Variants in PLCD3 observed in about 807,000 individuals in gnomAD.
PLCD3 encodes phospholipase C delta 3, also known as 1-phosphatidylinositol 4,5-bisphosphate phosphodiesterase delta-3.
In PLCD3, 62 loss-of-function variants were observed where a neutral mutation model predicts 82.8. The ratio of observed to expected loss-of-function variants is 0.75; its 90% CI spans 0.61 to 0.93. The LOEUF (loss-of-function observed/expected upper bound fraction) is 0.93, where lower values mean the gene tolerates loss of function less well. Among genes scored for constraint, PLCD3 ranks in the 40% least tolerant of loss-of-function variants. The pLI is 0.00. For synonymous variants in PLCD3, 478 were observed against 471.8 expected, an observed-to-expected ratio of 1.01 and a Z score of -0.17; for missense variants, 1,023 against 1,103.4, an observed-to-expected ratio of 0.93 and a Z score of 1.03.
Position 45,112,565 on chromosome 17 carries a change from AG to A in PLCD3, c.*50del. 1.3e-6 allele frequency: 2 copies of A among 1,509,102 alleles called. No homozygotes were observed. The highest frequency in any genetic ancestry group is 1.8e-6 in the Non-Finnish European group (2 of 1,107,082). The allele number at this position is 1,509,102 out of a possible 1,614,324, so 93.5% of individuals were successfully genotyped here. ...ACTCCAGAGGAGGAGAGGGCTCTGC[AG>A]GGGATGTGGACTGGCACTCGCAGAA... is the stretch of plus-strand genomic sequence containing the variant. On this transcript the variant is annotated 3_prime_UTR_variant, in exon 15 of 15. Transcript: ENST00000619929.
Position 45,112,860 on chromosome 17 carries a change from A to G in PLCD3, c.2281+3T>C. ...CTCTCCATCCCCACCAGCCTCCACC[A>G]ACCTTGCTTTAGGCTGCTAAGAGGC... On this transcript the variant is annotated splice_donor_region_variant and intron_variant, in intron 14 of 14. Coordinates refer to ENST00000619929, the MANE Select transcript of PLCD3 (RefSeq NM_133373.5). 1 of 1,612,246 alleles carries G rather than the reference A, an allele frequency of 6.2e-7. No individual in the cohort carries two copies. The highest frequency in any genetic ancestry group is 1.1e-5 in the South Asian group (1 of 90,636).
intron 1 of PLCD3, among the ~76,000 whole-genome samples, chr17:45,123,955 G>GA (rs2054361062): frequency 1.3e-5 from 1 of 74,568 alleles, no homozygotes; most frequent in East Asian, 3.1e-4. Context: ...GGGCTCACCA[G>GA]ACCCCCCCCC....
intron 1 of PLCD3, among the ~76,000 whole-genome samples, chr17:45,127,019 C>G (rs1391933677): frequency 6.6e-6 from 1 of 152,160 alleles, no homozygotes; most frequent in Admixed American, 6.5e-5. Flanking sequence ...AGGTCGGCAC[C>G]CGGTGGGGCT....
intron 1 of PLCD3, among the ~76,000 whole-genome samples, chr17:45,122,769 C>T (rs1412579038): frequency 6.6e-6 from 1 of 152,168 alleles, no homozygotes; most frequent in African/African-American, 2.4e-5. Flanking sequence ...ACACGTGATG[C>T]CCAGCCCAAA....
At chr17:45,113,691 A>T in intron 11 of PLCD3, 86 bp from the exon 12 acceptor site, 2 of 1,460,682 alleles carry the variant, frequency 1.4e-6, no homozygotes, top group Non-Finnish European at 1.8e-6. Context: ...CCTCTCTACA[A>T]AGGGCCTGGG....
At chr17:45,128,172 C>T (rs1051999829) in intron 1 of PLCD3, among the ~76,000 whole-genome samples, 16 of 152,182 alleles carry the variant, frequency 1.1e-4, no homozygotes, top group African/African-American at 3.1e-4. Context: ...GGCGGGGGCT[C>T]GGTGCCAGAG....
intron 4 of PLCD3, among the ~76,000 whole-genome samples, chr17:45,119,624 A>G (rs770927508): frequency 2.6e-5 from 4 of 152,222 alleles, no homozygotes; most frequent in Non-Finnish European, 5.9e-5. Flanking sequence ...TGGAAGGAAA[A>G]ATGGTGACCC....
intron 1 of PLCD3, among the ~76,000 whole-genome samples, chr17:45,127,817 A>T (rs117962768): frequency 3.3e-5 from 5 of 150,866 alleles, no homozygotes; most frequent in Admixed American, 6.6e-5. Context: ...TGTGCGTGTG[A>T]GTGTGTGTGT....
intron 4 of PLCD3, among the ~76,000 whole-genome samples, chr17:45,119,718 A>G (rs7217321): frequency 0.85 from 129,133 of 152,242 alleles, 54,943 homozygotes; most frequent in East Asian, 0.92. Flanking sequence ...CACACCCAGC[A>G]TCATTGAACA....
intron 1 of PLCD3, among the ~76,000 whole-genome samples, chr17:45,127,513 G>C (rs1252800358): frequency 6.6e-6 from 1 of 152,202 alleles, no homozygotes; most frequent in African/African-American, 2.4e-5. Context: ...GTCAGAGCTG[G>C]AAGGGGCCCC....
intron 4 of PLCD3, 90 bp downstream of exon 4, chr17:45,120,235 G>A: frequency 6.5e-7 from 1 of 1,546,840 alleles, no homozygotes; most frequent in Non-Finnish European, 8.8e-7. Context: ...GGTGGAGAGG[G>A]CAGGGGAGCT....
At position 45,111,373 on chromosome 17, in the gene PLCD3, A is replaced by AGTGTGTGT. The variant is rs34687475; in HGVS notation, c.*1235_*1242dup. On this transcript the variant is annotated 3_prime_UTR_variant, in exon 15 of 15. Transcript: ENST00000619929. ...TTCAAGGCCCCTCTGTGTATGTGTG[A>AGTGTGTGT]GTGTGTGTGTGTGTGTGTGTGTGTG... The AGTGTGTGT allele has an allele frequency of 0.017, 2,509 of 147,150 alleles. 33 individuals are homozygous for AGTGTGTGT. The highest frequency in any genetic ancestry group is 0.025 in the Non-Finnish European group (1,640 of 66,290). The allele number at this position is 147,150 out of a possible 1,614,324, so 9.1% of individuals were successfully genotyped here. A position where few individuals can be genotyped will look rare whatever the true frequency, so the allele number is the denominator to read the frequency against.
At chr17:45,126,422 C>A (rs558257980) in intron 1 of PLCD3, among the ~76,000 whole-genome samples, 31 of 132,478 alleles carry the variant, frequency 2.3e-4, no homozygotes, top group African/African-American at 9.2e-4. Flanking sequence ...GGCACGATCT[C>A]AGCTCACTGC....
chr17:45,112,988 G>T lies in PLCD3; in HGVS notation c.2156C>A (p.Thr719Asn). The change falls in exon 14 of 15, where the codon ACC (threonine) becomes AAC (asparagine). Residue 719 changes from threonine (T) to asparagine (N), a missense_variant. Around this residue, in one of 3 missense-constraint regions of PLCD3, gnomAD observed 553 missense variants for 655.7 expected, o/e 0.84. Coordinates refer to ENST00000619929, the MANE Select transcript of PLCD3 (RefSeq NM_133373.5). ...NNGFNPRWGQ[T>N]LQFQLRAPEL... ...CGGAGCCCGCAGCTGGAACTGCAGG[G>T]TCTGCCCCCAGCGGGGGTTGAAGCC... 6.2e-7 allele frequency: 1 copy of T among 1,609,580 alleles called. No homozygotes were observed. Among genetic ancestry groups the T allele is most frequent in the East Asian group, 2.2e-5 (1 of 44,812 alleles).
chr17:45,117,938 G>A (rs755641848), intron 7 of PLCD3, 56 bp downstream of exon 7: 234 of 1,597,910 alleles, frequency 1.5e-4, no homozygotes, highest in Non-Finnish European at 1.8e-4. Flanking sequence ...ATGTGAGTGC[G>A]GACGGAGGTC....
rs773971567 is a variant in PLCD3 at position 45,110,046 on chromosome 17, C to G, written c.*2570G>C. 1.3e-5 allele frequency: 2 copies of G among 151,894 alleles called. No individual in the cohort carries two copies. The highest frequency in any genetic ancestry group is 2.9e-5 in the Non-Finnish European group (2 of 68,072). The allele number at this position is 151,894 out of a possible 1,614,324, so 9.4% of individuals were successfully genotyped here. Reference sequence around the variant, plus strand: ...TGAGCCAAGGTCGTGCCACTGCACTCTAGCCTAGGCGACAGAGCGAGACTC... The same window carrying G: ...TGAGCCAAGGTCGTGCCACTGCACTGTAGCCTAGGCGACAGAGCGAGACTC... On this transcript the variant is annotated 3_prime_UTR_variant, in exon 15 of 15. Coordinates refer to ENST00000619929, the MANE Select transcript of PLCD3 (RefSeq NM_133373.5).
rs770874199 is a variant in PLCD3, at chr17:45,120,440, T to G, written c.569A>C (p.Tyr190Ser). The G allele has an allele frequency of 8.1e-6, 13 of 1,613,830 alleles. No individual in the cohort carries two copies. The highest frequency in any genetic ancestry group is 3.3e-5 in the South Asian group (3 of 91,088). ...CTGGTTGGAGTCAGCCCGGTGCAGA[T>G]AGGAGTGGATCCAGGTGTGGGTGCT... Reference protein sequence around the residue: ...RERLDHWIHSYLHRADSNQDS... With the variant: ...RERLDHWIHSSLHRADSNQDS... The change falls in exon 4 of 15, where the codon TAT (tyrosine) becomes TCT (serine). Residue 190 changes from tyrosine to serine, a missense_variant. Tyr to Ser is a moderately radical substitution (Grantham distance 144). Coordinates refer to ENST00000619929, the MANE Select transcript of PLCD3 (RefSeq NM_133373.5).
In PLCD3 at chr17:45,119,058, G is replaced by A; in HGVS notation, c.685-15C>T. On this transcript the variant is annotated splice_polypyrimidine_tract_variant and intron_variant, in intron 4 of 14. Transcript: ENST00000619929. The stretch of plus-strand genomic sequence containing the variant: ...TGGTCACACTCCTGGGGAGCAGCAG[G>A]AGAAGCTCAGAGGAGGCAGACACTC... 6.3e-7 allele frequency: 1 copy of A among 1,581,972 alleles called. No homozygotes were observed.
chr17:45,120,551 C>T, intron 3 of PLCD3, 97 bp from the exon 4 acceptor site: 4 of 1,523,914 alleles, frequency 2.6e-6, no homozygotes, highest in South Asian at 1.2e-5. Context: ...TGGGGGATCC[C>T]CAGTTTAGGG....
Sources: allele counts gnomAD v4.1 joint callset (sites outside exome capture counted in the v4.1 genomes callset), GRCh38; gene constraint gnomAD v4.1.1; regional missense constraint gnomAD v4.1.1; transcripts MANE v1.5; gene names NCBI Gene and HGNC (gene_info 2026-07-23, HGNC 2026-07-21).